Variants in GNB5 observed in about 807,000 individuals in gnomAD.
GNB5 encodes the protein guanine nucleotide-binding protein subunit beta-5.
GNB5 carries 37 observed loss-of-function variants against 55.3 expected under a neutral mutation model. The observed-to-expected ratio is 0.67, with a 90% CI of 0.51 to 0.88. GNB5 has a LOEUF of 0.88. Among genes scored for constraint, GNB5 ranks in the 40% least tolerant of loss-of-function variants. The pLI is 0.00. For synonymous variants in GNB5, 219 were observed against 198.5 expected (o/e 1.10, Z -0.87); for missense variants, 476 against 515.3 (o/e 0.92, Z 0.74).
intron 3 of GNB5, among the ~76,000 whole-genome samples, chr15:52,175,938 AC>A (rs1279464896): frequency 6.6e-6 from 1 of 152,012 alleles, no homozygotes; most frequent in Non-Finnish European, 1.5e-5. Context: ...AATCCCAGCT[AC>A]TCAGGAGGCT....
intron 6 of GNB5, chr15:52,144,110 C>G (rs8028545): frequency 6.6e-6 from 1 of 152,236 alleles, no homozygotes; most frequent in Non-Finnish European, 1.5e-5. Flanking sequence ...TTCTGCACCA[C>G]GCTGAGTCAC....
intron 3 of GNB5, among the ~76,000 whole-genome samples, chr15:52,172,382 G>A (rs1412038541): frequency 1.3e-5 from 2 of 151,966 alleles, no homozygotes; most frequent in South Asian, 2.1e-4. Flanking sequence ...CTGGGCTCAA[G>A]TGATCTTTCC....
At chr15:52,168,604 T>A (rs115695031) in intron 3 of GNB5, among the ~76,000 whole-genome samples, 1 of 152,060 alleles carries the variant, frequency 6.6e-6, no homozygotes, top group Non-Finnish European at 1.5e-5. Flanking sequence ...CTTCATAGAA[T>A]AGGAAAAAAA....
rs753118764 is a variant in GNB5 at position 52,184,584 on chromosome 15, T to C, written c.93A>G (p.Gln31=). 9.9e-6 allele frequency: 16 copies of C among 1,613,440 alleles called. No homozygotes were observed. Among genetic ancestry groups the C allele is most frequent in the Non-Finnish European group, 1.4e-5 (16 of 1,179,300 alleles). Residue 31 remains glutamine, a synonymous_variant, in exon 2 of 13, where the codon CAA becomes CAG. Transcript: ENST00000261837. ...RALRPVFKKS[Q]QLSYCSTCAE... ...CACATGTTGAACAGTAGCTGAGTTG[T>C]TGAGACTTCTTGAAAACTGGTCTCA... is the stretch of plus-strand genomic sequence containing the variant.
intron 6 of GNB5, chr15:52,144,279 TATC>T: frequency 6.6e-6 from 1 of 152,382 alleles, no homozygotes; most frequent in Middle Eastern, 3.4e-3. Context: ...TGTTCACTGT[TATC>T]ATATTCACTA....
At chr15:52,134,419 G>A (rs1018576366) in intron 8 of GNB5, among the ~76,000 whole-genome samples, 11 of 151,752 alleles carry the variant, frequency 7.2e-5, no homozygotes, top group African/African-American at 2.7e-4. Flanking sequence ...TCAGCATCCC[G>A]AGTGTCTTTA....
chr15:52,135,864 C>A, intron 7 of GNB5, 108 bp from the exon 8 acceptor site: 2 of 677,982 alleles, frequency 2.9e-6, no homozygotes, highest in Non-Finnish European at 5.0e-6. Flanking sequence ...CACACACACA[C>A]ACACACACAC....
At chr15:52,152,903 G>A (rs1254282166) in intron 4 of GNB5, among the ~76,000 whole-genome samples, 1 of 152,324 alleles carries the variant, frequency 6.6e-6, no homozygotes, top group East Asian at 1.9e-4. Context: ...AGGATTATAG[G>A]CATGAGCCAC....
chr15:52,137,235 G>A (rs1820416189), intron 7 of GNB5: 2 of 1,163,092 alleles, frequency 1.7e-6, no homozygotes, highest in African/African-American at 3.2e-5. Flanking sequence ...TTCGCTTGGG[G>A]AGTTGACATC....
chr15:52,165,779 C>T (rs949160462), intron 3 of GNB5, among the ~76,000 whole-genome samples: 18 of 152,104 alleles, frequency 1.2e-4, no homozygotes, highest in Non-Finnish European at 2.6e-4. Context: ...GAAGCACCTA[C>T]ACAAACAAGT....
chr15:52,128,757 C>A (rs966852108), intron 9 of GNB5: 3 of 456,636 alleles, frequency 6.6e-6, no homozygotes, highest in East Asian at 6.9e-5. Flanking sequence ...ACAGTCCATG[C>A]AAAGAATCTG....
chr15:52,158,838 A>G (rs1206078736), intron 3 of GNB5, among the ~76,000 whole-genome samples: 2 of 152,136 alleles, frequency 1.3e-5, no homozygotes, highest in Non-Finnish European at 2.9e-5. Flanking sequence ...TATGAGAGTC[A>G]GTCCCTGACC....
chr15:52,152,316 A>G (rs1428133970), intron 4 of GNB5, among the ~76,000 whole-genome samples: 3 of 151,930 alleles, frequency 2.0e-5, no homozygotes, highest in African/African-American at 7.3e-5. Flanking sequence ...TAGGATTTAT[A>G]TAATATCTTT....
chr15:52,190,978 C>T (rs2034918898), intron 1 of GNB5, among the ~76,000 whole-genome samples: 2 of 152,088 alleles, frequency 1.3e-5, no homozygotes, highest in African/African-American at 4.8e-5. Context: ...TCTTTCTAAC[C>T]CCATAAGCTG....
At chr15:52,172,744 T>C (rs1271880053) in intron 3 of GNB5, among the ~76,000 whole-genome samples, 1 of 152,146 alleles carries the variant, frequency 6.6e-6, no homozygotes, top group Non-Finnish European at 1.5e-5. Flanking sequence ...CCAGCCTGTG[T>C]GACAGAGTGA....
chr15:52,169,608 A>C (rs2034521484), intron 3 of GNB5, among the ~76,000 whole-genome samples: 1 of 151,586 alleles, frequency 6.6e-6, no homozygotes, highest in South Asian at 2.1e-4. Context: ...GAAAGAAAAG[A>C]AAAGAGGTAA....
At position 52,147,536 on chromosome 15, in the gene GNB5, CT is replaced by C; in HGVS notation, c.418-2del. On this transcript the variant is annotated splice_acceptor_variant, in intron 5 of 12. Transcript: ENST00000261837. LOFTEE classifies it high-confidence loss of function. ...TGCAGGGCATGGTGACCGCGTGCTC[CT>C]GAAACACAGCACAGAGTGAACAACT... 6.4e-7 allele frequency: 1 copy of C among 1,566,730 alleles called. No homozygotes were observed. The highest frequency in any genetic ancestry group is 8.7e-7 in the Non-Finnish European group (1 of 1,143,780).
intron 9 of GNB5, among the ~76,000 whole-genome samples, chr15:52,132,968 T>C (rs1027006403): frequency 2.2e-4 from 34 of 152,170 alleles, no homozygotes; most frequent in African/African-American, 8.2e-4. Flanking sequence ...CCCATCTCCC[T>C]GTTTTACTTT....
chr15:52,137,384 G>C (rs992820012), intron 7 of GNB5: 5 of 1,034,194 alleles, frequency 4.8e-6, no homozygotes. Context: ...TGAAAGAAGG[G>C]AAGGGGAGAG....
Sources: gnomAD v4.1 joint callset for allele counts (sites outside exome capture counted in the v4.1 genomes callset) on GRCh38, gnomAD v4.1.1 for gene constraint, MANE v1.5 for transcripts, NCBI Gene and HGNC (gene_info 2026-07-23, HGNC 2026-07-21) for gene names.